Variants in F13A1 observed in about 807,000 individuals in gnomAD.
F13A1 encodes FSF, A subunit.
A neutral mutation model predicts 80.1 loss-of-function variants in F13A1; 47 were observed. The observed-to-expected ratio is 0.59, with a 90% confidence interval of 0.46 to 0.75. The LOEUF (loss-of-function observed/expected upper bound fraction) is 0.75, where lower values mean the gene tolerates loss of function less well. Ranked by LOEUF, F13A1 falls within the 30% of genes least tolerant of loss-of-function variation. The pLI, the probability that F13A1 is intolerant of heterozygous loss-of-function variation, is 0.00. For synonymous variants in F13A1, 349 were observed against 344.9 expected, an observed-to-expected ratio of 1.01 and a Z score of -0.13; for missense variants, 817 against 930.4, an observed-to-expected ratio of 0.88 and a Z score of 1.59.
At chr6:6,170,922 C>G (rs1343573940) in intron 12 of F13A1, among the ~76,000 whole-genome samples, 1 of 152,186 alleles carries the variant, frequency 6.6e-6, no homozygotes, top group Non-Finnish European at 1.5e-5. Context: ...CAAAGAGTCT[C>G]CAGTTCCCTT....
intron 3 of F13A1, among the ~76,000 whole-genome samples, chr6:6,273,248 T>C (rs1757945265): frequency 6.6e-6 from 1 of 152,218 alleles, no homozygotes; most frequent in Admixed American, 6.5e-5. Flanking sequence ...CTAATATGTC[T>C]GTATAGCTCC....
At chr6:6,300,837 A>G (rs973546615) in intron 3 of F13A1, among the ~76,000 whole-genome samples, 1 of 144,576 alleles carries the variant, frequency 6.9e-6, no homozygotes, top group African/African-American at 2.6e-5. Context: ...TTTTTAATTT[A>G]TGTTACATTT....
intron 4 of F13A1, among the ~76,000 whole-genome samples, chr6:6,263,864 A>T (rs1757809325): frequency 6.6e-6 from 1 of 152,204 alleles, no homozygotes; most frequent in African/African-American, 2.4e-5. Flanking sequence ...TACAAAATAG[A>T]TCTCCAATCT....
intron 10 of F13A1, among the ~76,000 whole-genome samples, chr6:6,192,127 G>A (rs528637175): frequency 1.3e-5 from 2 of 152,304 alleles, no homozygotes; most frequent in East Asian, 1.9e-4. Context: ...GATGCTTTCT[G>A]AAGAGAAAAA....
At chr6:6,224,569 C>A in intron 7 of F13A1, 117 bp downstream of exon 7, 2 of 924,562 alleles carry the variant, frequency 2.2e-6, no homozygotes, top group South Asian at 1.5e-5. Context: ...AATGGCTCAC[C>A]CATAAATTCT....
intron 3 of F13A1, among the ~76,000 whole-genome samples, chr6:6,302,009 A>G (rs1377558395): frequency 6.6e-6 from 1 of 152,162 alleles, no homozygotes; most frequent in East Asian, 1.9e-4. Flanking sequence ...CTCCCCAGTA[A>G]ACTTTCTGCG....
chr6:6,190,934 T>G (rs1321373915), intron 10 of F13A1, among the ~76,000 whole-genome samples: 3 of 152,020 alleles, frequency 2.0e-5, no homozygotes, highest in Non-Finnish European at 4.4e-5. Flanking sequence ...TGGTGCGCCG[T>G]TTTTTAAGCC....
intron 6 of F13A1, among the ~76,000 whole-genome samples, chr6:6,226,555 T>A (rs1757278446): frequency 6.6e-6 from 1 of 152,212 alleles, no homozygotes; most frequent in East Asian, 1.9e-4. Flanking sequence ...CCTCACCAAC[T>A]AACAACTCAG....
intron 4 of F13A1, among the ~76,000 whole-genome samples, chr6:6,262,713 A>T (rs908455197): frequency 8.6e-5 from 13 of 151,778 alleles, no homozygotes; most frequent in African/African-American, 2.9e-4. Context: ...CACTGACAAA[A>T]AAAAAAAAAA....
intron 3 of F13A1, among the ~76,000 whole-genome samples, chr6:6,271,188 A>T (rs1757915750): frequency 6.6e-6 from 1 of 152,216 alleles, no homozygotes; most frequent in Admixed American, 6.5e-5. Flanking sequence ...GTGCCAATAG[A>T]ACCTCAGGGA....
chr6:6,289,681 C>G (rs939813572), intron 3 of F13A1, among the ~76,000 whole-genome samples: 4 of 152,034 alleles, frequency 2.6e-5, no homozygotes, highest in African/African-American at 9.7e-5. Flanking sequence ...AGAAAAAAAT[C>G]AGATCTTAAT....
rs142167558 is a variant in F13A1, at chr6:6,191,636, T to A, written c.1305+4161A>T. ...ATTTGTCCACAGGTGGCAGAAGATATGCTCTTCACCACTGAGGCTAGAGAC... is the reference window on the plus strand; with the variant it reads ...ATTTGTCCACAGGTGGCAGAAGATAAGCTCTTCACCACTGAGGCTAGAGAC... On this transcript the variant is annotated intron_variant, in intron 10 of 14. Transcript: ENST00000264870. Among the ~76,000 whole-genome samples, 110 of 152,296 alleles carry A rather than the reference T, an allele frequency of 7.2e-4. 1 individual carries two copies. Among genetic ancestry groups the A allele is most frequent in the African/African-American group, 2.2e-3 (91 of 41,562 alleles).
chr6:6,178,618 CA>C (rs1269373117), intron 11 of F13A1, among the ~76,000 whole-genome samples: 1 of 152,064 alleles, frequency 6.6e-6, no homozygotes, highest in African/African-American at 2.4e-5. Flanking sequence ...TGAACATTAA[CA>C]CCAGCTATGT....
intron 13 of F13A1, among the ~76,000 whole-genome samples, chr6:6,164,870 G>T (rs1346850307): frequency 2.9e-5 from 4 of 138,464 alleles, no homozygotes; most frequent in Non-Finnish European, 6.1e-5. Flanking sequence ...CCCCTGCTAT[G>T]ACTCTGCATT....
At chr6:6,254,056 C>T (rs1199363745) in intron 4 of F13A1, among the ~76,000 whole-genome samples, 18 of 152,138 alleles carry the variant, frequency 1.2e-4, no homozygotes, top group Non-Finnish European at 2.9e-5. Flanking sequence ...CTCAACTCCA[C>T]TAACAATCAG....
intron 3 of F13A1, among the ~76,000 whole-genome samples, chr6:6,289,182 T>C (rs1758177176): frequency 6.6e-6 from 1 of 152,072 alleles, no homozygotes; most frequent in Non-Finnish European, 1.5e-5. Context: ...AGTAATGTGA[T>C]GGGGGGTGGG....
chr6:6,278,795 T>A (rs555476443), intron 3 of F13A1, among the ~76,000 whole-genome samples: 1 of 152,282 alleles, frequency 6.6e-6, no homozygotes, highest in East Asian at 1.9e-4. Context: ...GACAGCCAGA[T>A]CAAGCAGGGC....
intron 8 of F13A1, among the ~76,000 whole-genome samples, chr6:6,214,212 T>A (rs2113041159): frequency 6.7e-6 from 1 of 148,336 alleles, no homozygotes; most frequent in Non-Finnish European, 1.5e-5. Context: ...CCACCCCAAA[T>A]CAACAGAATA....
chr6:6,255,882 C>T (rs1214265678), intron 4 of F13A1, among the ~76,000 whole-genome samples: 1 of 151,890 alleles, frequency 6.6e-6, no homozygotes, highest in Non-Finnish European at 1.5e-5. Flanking sequence ...CTTTATTTCC[C>T]GTTTTTATTC....
Sources: allele counts gnomAD v4.1 joint callset (sites outside exome capture counted in the v4.1 genomes callset), GRCh38; gene constraint gnomAD v4.1.1; transcripts MANE v1.5; gene names NCBI Gene and HGNC (gene_info 2026-07-23, HGNC 2026-07-21).